VPS13B: variants seen among roughly 807,000 people sequenced by gnomAD.
VPS13B encodes the protein vacuolar protein sorting 13 homolog B.
Under a neutral mutation model 426.4 loss-of-function variants are expected in VPS13B, and 285 were observed. The ratio of observed to expected loss-of-function variants is 0.67; its 90% CI spans 0.61 to 0.74. The LOEUF (loss-of-function observed/expected upper bound fraction) is 0.74. Among genes scored for constraint, VPS13B ranks in the 30% least tolerant of loss-of-function variants. VPS13B has a pLI of 0.00. For missense variants in VPS13B, 4,537 were observed against 4,782.6 expected, an observed-to-expected ratio of 0.95 and a Z score of 1.51; for synonymous variants, 1,676 against 1,676.4, an observed-to-expected ratio of 1.00 and a Z score of 0.01.
At chr8:99,652,427 C>G (rs1829856456) in intron 34 of VPS13B, among the ~76,000 whole-genome samples, 1 of 151,914 alleles carries the variant, frequency 6.6e-6, no homozygotes, top group South Asian at 2.1e-4. Context: ...TTGCTTTTGT[C>G]ATCATTGTTA....
intron 17 of VPS13B, among the ~76,000 whole-genome samples, chr8:99,230,575 G>A (rs1006601894): frequency 9.2e-5 from 14 of 152,204 alleles, no homozygotes; most frequent in Non-Finnish European, 1.9e-4. Flanking sequence ...CAGTACCAAA[G>A]TTTGAACCTT....
chr8:99,127,511 G>C (rs78462611), intron 8 of VPS13B, among the ~76,000 whole-genome samples: 153 of 152,134 alleles, frequency 1.0e-3, no homozygotes, highest in Middle Eastern at 3.4e-3. Flanking sequence ...ACATTTATCA[G>C]TATCTTTTCT....
chr8:99,684,628 A>G (rs1788160), intron 35 of VPS13B, among the ~76,000 whole-genome samples: 39,493 of 152,044 alleles, frequency 0.26, 5,492 homozygotes, highest in East Asian at 0.42. Flanking sequence ...ATACTTTTCA[A>G]AATTCTCAAA....
intron 5 of VPS13B, among the ~76,000 whole-genome samples, chr8:99,108,120 A>C (rs1253004721): frequency 6.6e-6 from 1 of 152,128 alleles, no homozygotes; most frequent in East Asian, 1.9e-4. Flanking sequence ...GTTCCTGCAT[A>C]ATTTGCCTAG....
intron 6 of VPS13B, 86 bp downstream of exon 6, chr8:99,111,365 G>A: frequency 8.7e-7 from 1 of 1,147,206 alleles, no homozygotes; most frequent in Non-Finnish European, 1.2e-6. Context: ...ATTAACAAAT[G>A]AAGAAATTAA....
At chr8:99,069,234 A>G (rs890873375) in intron 3 of VPS13B, among the ~76,000 whole-genome samples, 19 of 151,986 alleles carry the variant, frequency 1.3e-4, no homozygotes, top group Non-Finnish European at 2.4e-4. Flanking sequence ...GGAGTTAGAA[A>G]CCTGCTGGGG....
At chr8:99,241,083 T>A (rs1816910892) in intron 17 of VPS13B, 1 of 152,232 alleles carries the variant, frequency 6.6e-6, no homozygotes, top group Non-Finnish European at 1.5e-5. Flanking sequence ...AGATGCCAGC[T>A]GGTGTATTTA....
chr8:99,185,269 G>A (rs1195266894), intron 16 of VPS13B, among the ~76,000 whole-genome samples: 3 of 152,190 alleles, frequency 2.0e-5, no homozygotes, highest in African/African-American at 4.8e-5. Flanking sequence ...AGGGATATAT[G>A]ATAAACTCAT....
intron 12 of VPS13B, among the ~76,000 whole-genome samples, chr8:99,138,181 C>T (rs948642808): frequency 1.3e-5 from 2 of 152,124 alleles, no homozygotes; most frequent in Admixed American, 1.3e-4. Flanking sequence ...GCTCAGAGTG[C>T]AGCGTCATGA....
chr8:99,655,274 G>C (rs1269891633), intron 34 of VPS13B, among the ~76,000 whole-genome samples: 1 of 152,182 alleles, frequency 6.6e-6, no homozygotes, highest in African/African-American at 2.4e-5. Context: ...GAGACAAAGA[G>C]TTTTGATACT....
intron 31 of VPS13B, among the ~76,000 whole-genome samples, chr8:99,573,682 A>G (rs1447228081): frequency 1.3e-5 from 2 of 152,190 alleles, no homozygotes; most frequent in Non-Finnish European, 2.9e-5. Flanking sequence ...TACCAGTACC[A>G]TGCTGTTTTG....
intron 44 of VPS13B, among the ~76,000 whole-genome samples, chr8:99,812,436 G>C (rs1334237002): frequency 6.6e-6 from 1 of 152,192 alleles, no homozygotes; most frequent in Non-Finnish European, 1.5e-5. Context: ...ATAAACTGCA[G>C]CTGCCTAATT....
intron 17 of VPS13B, among the ~76,000 whole-genome samples, chr8:99,269,178 G>A (rs539901384): frequency 1.3e-5 from 2 of 152,120 alleles, no homozygotes; most frequent in East Asian, 3.9e-4. Flanking sequence ...CATGAGGATG[G>A]ACTAATACAG....
intron 40 of VPS13B, among the ~76,000 whole-genome samples, chr8:99,770,979 G>A (rs2130640550): frequency 6.6e-6 from 1 of 152,316 alleles, no homozygotes; most frequent in South Asian, 2.1e-4. Context: ...GGCCAGCCTG[G>A]CAGGTTCCCT....
chr8:99,570,719 G>A (rs1825431608), intron 31 of VPS13B, among the ~76,000 whole-genome samples: 1 of 151,884 alleles, frequency 6.6e-6, no homozygotes, highest in African/African-American at 2.4e-5. Context: ...GGATTTTTAT[G>A]TATATATAAA....
At chr8:99,229,476 T>G (rs1433533343) in intron 17 of VPS13B, among the ~76,000 whole-genome samples, 1 of 149,492 alleles carries the variant, frequency 6.7e-6, no homozygotes, top group Non-Finnish European at 1.5e-5. Context: ...ATTCATGGAT[T>G]GATTGATTGA....
chr8:99,400,778 C>T (rs1814990321), intron 21 of VPS13B, among the ~76,000 whole-genome samples: 1 of 152,192 alleles, frequency 6.6e-6, no homozygotes, highest in African/African-American at 2.4e-5. Context: ...TCAAGCAATC[C>T]TCCTGCCTCA....
chr8:99,141,807 G>A (rs1810436695), intron 12 of VPS13B, among the ~76,000 whole-genome samples: 1 of 151,494 alleles, frequency 6.6e-6, no homozygotes, highest in African/African-American at 2.4e-5. Flanking sequence ...CACTTTGGGA[G>A]GCCGAGGTGG....
At chr8:99,547,049 G>C (rs1159560979) in intron 30 of VPS13B, among the ~76,000 whole-genome samples, 1 of 152,000 alleles carries the variant, frequency 6.6e-6, no homozygotes, top group Non-Finnish European at 1.5e-5. Flanking sequence ...TCAGATAGCA[G>C]AGATACATTG....
Sources: gnomAD v4.1 joint callset for allele counts (sites outside exome capture counted in the v4.1 genomes callset) on GRCh38, gnomAD v4.1.1 for gene constraint, MANE v1.5 for transcripts, NCBI Gene and HGNC (gene_info 2026-07-23, HGNC 2026-07-21) for gene names.